Variants in SCGB2B2 observed in about 807,000 individuals in gnomAD.
SCGB2B2 encodes the protein secretoglobin family 2B member 2.
A neutral mutation model predicts 7.6 loss-of-function variants in SCGB2B2; 11 were observed. The observed-to-expected ratio is 1.45, with a 90% confidence interval of 0.91 to 2.40. The LOEUF (loss-of-function observed/expected upper bound fraction) is 2.40. SCGB2B2 is among the 30% of genes most tolerant of loss of function. The pLI is 0.00. For missense variants in SCGB2B2, 104 were observed against 115.4 expected (o/e 0.90, Z 0.45); for synonymous variants, 50 against 48.6 (o/e 1.03, Z -0.12).
At chr19:34,597,983 G>A (rs991369244) in intron 1 of SCGB2B2, among the ~76,000 whole-genome samples, 36 of 152,054 alleles carry the variant, frequency 2.4e-4, no homozygotes, top group African/African-American at 8.5e-4. Context: ...AGGGGGCAGA[G>A]AATGGAGGGG....
intron 1 of SCGB2B2, among the ~76,000 whole-genome samples, chr19:34,668,910 G>A (rs1006890611): frequency 6.6e-6 from 1 of 152,184 alleles, no homozygotes; most frequent in Non-Finnish European, 1.5e-5. Context: ...GGTGGGGCCA[G>A]ATAAGAGAGT....
At chr19:34,675,295 T>C (rs1364648059) in intron 1 of SCGB2B2, among the ~76,000 whole-genome samples, 1 of 152,218 alleles carries the variant, frequency 6.6e-6, no homozygotes, top group Non-Finnish European at 1.5e-5. Flanking sequence ...ATCCAGTCTT[T>C]CCTTATTACA....
intron 1 of SCGB2B2, among the ~76,000 whole-genome samples, chr19:34,664,847 G>A (rs781389605): frequency 7.9e-5 from 12 of 151,994 alleles, no homozygotes; most frequent in Middle Eastern, 3.4e-3. Flanking sequence ...AGGAAGCAGC[G>A]GGAGCTGTAT....
intron 1 of SCGB2B2, among the ~76,000 whole-genome samples, chr19:34,621,675 C>A (rs1214973506): frequency 6.6e-6 from 1 of 152,100 alleles, no homozygotes; most frequent in Non-Finnish European, 1.5e-5. Flanking sequence ...TAAGAATATC[C>A]TTTTTCATTA....
Position 34,594,968 on chromosome 19 carries a change from T to C in SCGB2B2, c.-405A>G, listed in dbSNP as rs956368003. On this transcript the variant is annotated 5_prime_UTR_variant, in exon 2 of 4. Transcript: ENST00000601241. The stretch of plus-strand genomic sequence containing the variant: ...CACGCCCTAGCACAGAATCTGCCAC[T>C]GAGTGCTGGCTCAACAAACATTTGC... 2.3e-5 allele frequency: 5 copies of C among 218,344 alleles called. No homozygotes were observed. The highest frequency in any genetic ancestry group is 9.1e-5 in the South Asian group (1 of 11,034). 13.5% of individuals were successfully genotyped at this position (218,344 alleles called of 1,614,324 possible). A position where few individuals can be genotyped will look rare whatever the true frequency, so the allele number is the denominator to read the frequency against.
intron 1 of SCGB2B2, among the ~76,000 whole-genome samples, chr19:34,658,852 C>T (rs895246614): frequency 6.7e-6 from 1 of 149,296 alleles, no homozygotes; most frequent in African/African-American, 2.5e-5. Context: ...GAATTTTAGG[C>T]CAATATCCCT....
chr19:34,610,275 C>T (rs1265784575), intron 1 of SCGB2B2, among the ~76,000 whole-genome samples: 1 of 152,058 alleles, frequency 6.6e-6, no homozygotes, highest in Non-Finnish European at 1.5e-5. Flanking sequence ...TTGGCATCCT[C>T]CTATCCAGGC....
At chr19:34,590,424 C>G (rs2065271887), downstream of SCGB2B2, among the ~76,000 whole-genome samples, 1 of 152,122 alleles carries the variant, frequency 6.6e-6, no homozygotes, top group Non-Finnish European at 1.5e-5. Flanking sequence ...CATCCATCAT[C>G]TATCCATAGA....
chr19:34,591,016 A>T lies in SCGB2B2; in HGVS notation c.*2539T>A, dbSNP rs184450919. On this transcript the variant is annotated 3_prime_UTR_variant, in exon 4 of 4. Transcript: ENST00000601241. ...GCTGAGTTTTAATTGAGACTGAATAAGTAGCATGATCTGCATTATTTTCTT... is the reference window on the plus strand; with the variant it reads ...GCTGAGTTTTAATTGAGACTGAATATGTAGCATGATCTGCATTATTTTCTT... Among the ~76,000 whole-genome samples the T allele has an allele frequency of 8.0e-4, 122 of 152,380 alleles. No homozygotes were observed. The highest frequency in any genetic ancestry group is 2.8e-3 in the African/African-American group (117 of 41,588).
chr19:34,586,276 A>G (rs377701298), downstream of SCGB2B2, among the ~76,000 whole-genome samples: 2 of 152,386 alleles, frequency 1.3e-5, no homozygotes, highest in East Asian at 3.9e-4. Flanking sequence ...TTAATAAAGT[A>G]TAATTGACAT....
At position 34,594,131 on chromosome 19, in the gene SCGB2B2, C is replaced by T. The variant is rs376568366; in HGVS notation, c.246+44G>A. On this transcript the variant is annotated intron_variant, in intron 3 of 3. Transcript: ENST00000601241. Reference sequence around the variant, plus strand: ...AGTGCAGGGAAGTGCAAGCCTGGGACGTGTGGCCATGTAGTGTGTGCAGGT... The same window carrying T: ...AGTGCAGGGAAGTGCAAGCCTGGGATGTGTGGCCATGTAGTGTGTGCAGGT... 266 of 1,491,830 alleles carry T rather than the reference C, an allele frequency of 1.8e-4. 1 individual carries two copies. Among genetic ancestry groups the T allele is most frequent in the Middle Eastern group, 1.6e-3 (9 of 5,716 alleles). The allele number at this position is 1,491,830 out of a possible 1,614,324, so 92.4% of individuals were successfully genotyped here.
intron 1 of SCGB2B2, among the ~76,000 whole-genome samples, chr19:34,666,823 C>T (rs61273506): frequency 0.022 from 3,416 of 152,156 alleles, 108 homozygotes; most frequent in African/African-American, 0.079. Flanking sequence ...CCCTGGGCTG[C>T]GCTGCAGCCC....
intron 1 of SCGB2B2, chr19:34,646,265 G>C (rs2067009279): frequency 6.4e-6 from 1 of 155,710 alleles, no homozygotes; most frequent in African/African-American, 2.4e-5. Context: ...CCCAGACACT[G>C]CAACCCTGCA....
At chr19:34,612,022 C>CTTTTTTTTTTTTT (rs753968261) in intron 1 of SCGB2B2, among the ~76,000 whole-genome samples, 1 of 41,766 alleles carries the variant, frequency 2.4e-5, no homozygotes, top group African/African-American at 1.1e-4. Flanking sequence ...TTAGAAAATT[C>CTTTTTTTTTTTTT]TTTTTTTTTT....
At chr19:34,658,813 CAAA>C (rs138363297) in intron 1 of SCGB2B2, among the ~76,000 whole-genome samples, 14 of 101,990 alleles carry the variant, frequency 1.4e-4, no homozygotes, top group East Asian at 7.0e-4. Context: ...ACAACAACAA[CAAA>C]AAAAAAAAAA....
chr19:34,657,812 C>G (rs917655357), intron 1 of SCGB2B2, among the ~76,000 whole-genome samples: 1 of 152,152 alleles, frequency 6.6e-6, no homozygotes, highest in African/African-American at 2.4e-5. Flanking sequence ...AGCACCACAT[C>G]GCACTTATTC....
downstream of SCGB2B2, among the ~76,000 whole-genome samples, chr19:34,585,834 A>G (rs2065180891): frequency 6.6e-6 from 1 of 152,232 alleles, no homozygotes; most frequent in Non-Finnish European, 1.5e-5. Context: ...CCAAAAGCCA[A>G]TCTCAGGTTC....
At chr19:34,653,111 G>A (rs867936462) in intron 1 of SCGB2B2, among the ~76,000 whole-genome samples, 1 of 151,340 alleles carries the variant, frequency 6.6e-6, no homozygotes, top group Non-Finnish European at 1.5e-5. Context: ...GGTACAGAAG[G>A]ATGAATCCTA....
In SCGB2B2 at chr19:34,658,834, A is replaced by AAG. The variant is rs1555749404; in HGVS notation, c.-2032+16794_-2032+16795dup. 3.6e-3 allele frequency among the ~76,000 whole-genome samples: 430 copies of AAG among 118,566 alleles called. 54 individuals are homozygous for AAG. The highest frequency in any genetic ancestry group is 5.6e-3 in the Non-Finnish European group (290 of 51,440). 77.8% of individuals were successfully genotyped at this position (118,566 alleles called of 152,430 possible). On this transcript the variant is annotated intron_variant, in intron 1 of 3. Transcript: ENST00000601241. ...ACAACAAAAAAAAAAAAAAAAAAAAAAGAGAGAGAATTTTAGGCCAATATC... is the reference window on the plus strand; with the variant it reads ...ACAACAAAAAAAAAAAAAAAAAAAAAAGAGAGAGAGAATTTTAGGCCAATATC...
Sources: allele counts gnomAD v4.1 joint callset (sites outside exome capture counted in the v4.1 genomes callset), GRCh38; gene constraint gnomAD v4.1.1; transcripts MANE v1.5; gene names NCBI Gene and HGNC (gene_info 2026-07-23, HGNC 2026-07-21).